Variants in ZNF287 observed in about 807,000 individuals in gnomAD.
ZNF287 encodes the protein zinc finger protein 287, also known as zinc finger protein with KRAB and SCAN domains 13.
ZNF287 carries 31 observed loss-of-function variants against 73.7 expected under a neutral mutation model. The ratio of observed to expected loss-of-function variants is 0.42; its 90% CI spans 0.32 to 0.57. ZNF287 has a LOEUF of 0.57. Ranked by LOEUF, ZNF287 falls within the 20% of genes least tolerant of loss-of-function variation. The probability of loss-of-function intolerance (pLI) is 0.13; values close to 1 mark genes in which losing one functional copy is unlikely to be tolerated. For missense variants in ZNF287, 641 were observed against 909.3 expected (o/e 0.70, Z 3.79); for synonymous variants, 301 against 307.2 (o/e 0.98, Z 0.21).
rs890823165 is a variant in ZNF287 at position 16,550,501 on chromosome 17, T to C, written c.*1355A>G. ...AATTCAGATCTATTTTCCATTTTTT[T>C]CTCACATTATTTATATAGCTACACT... On this transcript the variant is annotated 3_prime_UTR_variant, in exon 6 of 6. Coordinates refer to ENST00000395825, the MANE Select transcript of ZNF287 (RefSeq NM_020653.4). Among the ~76,000 whole-genome samples, 2 of 152,214 alleles carry C rather than the reference T, an allele frequency of 1.3e-5. No homozygotes were observed. Among genetic ancestry groups the C allele is most frequent in the Non-Finnish European group, 1.5e-5 (1 of 68,030 alleles).
At chr17:16,564,515 T>C (rs1316172474) in intron 3 of ZNF287, among the ~76,000 whole-genome samples, 1 of 152,214 alleles carries the variant, frequency 6.6e-6, no homozygotes, top group African/African-American at 2.4e-5. Flanking sequence ...GTTTTAAATT[T>C]TAAACACAGA....
intron 5 of ZNF287, among the ~76,000 whole-genome samples, chr17:16,555,802 A>G (rs538764716): frequency 1.7e-4 from 26 of 152,240 alleles, no homozygotes; most frequent in Non-Finnish European, 3.2e-4. Context: ...TGGGAAACAT[A>G]TAACTTGCAA....
chr17:16,563,956 A>C (rs1907596831), intron 3 of ZNF287, 131 bp from the exon 4 acceptor site: 1 of 1,051,234 alleles, frequency 9.5e-7, no homozygotes, highest in Non-Finnish European at 1.3e-6. Context: ...GAAGTTGTCT[A>C]GTCAAAACCC....
At chr17:16,559,430 T>C (rs984405490) in intron 5 of ZNF287, among the ~76,000 whole-genome samples, 3 of 152,182 alleles carry the variant, frequency 2.0e-5, no homozygotes, top group African/African-American at 7.2e-5. Flanking sequence ...TAAGTAAATA[T>C]ACTGATGTTG....
At chr17:16,561,617 T>C (rs942882599) in intron 5 of ZNF287, among the ~76,000 whole-genome samples, 12 of 152,156 alleles carry the variant, frequency 7.9e-5, no homozygotes, top group African/African-American at 2.9e-4. Flanking sequence ...CTTGGCAAAA[T>C]GTTTAAACTG....
In ZNF287 at chr17:16,547,347, A is replaced by T. The variant is rs2142437498; in HGVS notation, c.*4509T>A. ...TTGCTTTCTTAATTGCCCTCTACTT[A>T]ACCCACTTGGCAGATTAACTGACAA... On this transcript the variant is annotated 3_prime_UTR_variant, in exon 6 of 6. Transcript: ENST00000395825. Among the ~76,000 whole-genome samples, 1 of 152,354 alleles carries T rather than the reference A, an allele frequency of 6.6e-6. No homozygotes were observed. The highest frequency in any genetic ancestry group is 1.9e-4 in the East Asian group (1 of 5,190).
Position 16,547,341 on chromosome 17 carries a change from C to G in ZNF287, c.*4515G>C, listed in dbSNP as rs1278833436. On this transcript the variant is annotated 3_prime_UTR_variant, in exon 6 of 6. Transcript: ENST00000395825. ...ATCTAGTTGCTTTCTTAATTGCCCT[C>G]TACTTAACCCACTTGGCAGATTAAC... Among the ~76,000 whole-genome samples, 1 of 152,174 alleles carries G rather than the reference C, an allele frequency of 6.6e-6. No homozygotes were observed. Among genetic ancestry groups the G allele is most frequent in the Non-Finnish European group, 1.5e-5 (1 of 68,028 alleles).
chr17:16,552,497 T>A lies in ZNF287; in HGVS notation c.1645A>T (p.Thr549Ser). 1 of 1,614,142 alleles carries A rather than the reference T, an allele frequency of 6.2e-7. No homozygotes were observed. Among genetic ancestry groups the A allele is most frequent in the Non-Finnish European group, 8.5e-7 (1 of 1,180,006 alleles). Residue 549 changes from threonine to serine, a missense_variant, in exon 6 of 6, where the codon ACT becomes TCT. Transcript: ENST00000395825. The surrounding 1 kb of genome is among the most constrained non-coding windows in gnomAD (Gnocchi z 6.5). ...NECWKVFSQSTYLIRHQRIHS... is the reference protein window; with the variant it reads ...NECWKVFSQSSYLIRHQRIHS... ...ATTCTCTGATGTCGAATAAGGTAAG[T>A]ACTCTGACTAAACACTTTCCAACAT... is the stretch of plus-strand genomic sequence containing the variant.
rs746598310 is a variant in ZNF287 at position 16,552,448 on chromosome 17, T to G, written c.1694A>C (p.Lys565Thr). ...QRIHSGEKCY[K>T]CNECGKAFAH... Reference sequence around the variant, plus strand: ...AAAGGCTTTTCCACATTCATTACATTTATAACACTTCTCTCCAGAATGAAT... The same window carrying G: ...AAAGGCTTTTCCACATTCATTACATGTATAACACTTCTCTCCAGAATGAAT... The change falls in exon 6 of 6, where the codon AAA (lysine) becomes ACA (threonine). Residue 565 changes from lysine (K) to threonine (T), a missense_variant. By Grantham distance (78) the Lys-to-Thr change is moderately conservative (BLOSUM62 -1). Around this residue, in one of 2 missense-constraint regions of ZNF287, gnomAD observed 284 missense variants for 466.8 expected, o/e 0.61. Coordinates refer to ENST00000395825, the MANE Select transcript of ZNF287 (RefSeq NM_020653.4). The surrounding 1 kb of genome is among the most constrained non-coding windows in gnomAD (Gnocchi z 6.5). 3 of 1,614,142 alleles carry G rather than the reference T, an allele frequency of 1.9e-6. No individual in the cohort carries two copies. The highest frequency in any genetic ancestry group is 2.5e-6 in the Non-Finnish European group (3 of 1,180,000).
Position 16,552,599 on chromosome 17 carries a change from TC to T in ZNF287, c.1542del (p.Lys515ArgfsTer250). The T allele has an allele frequency of 6.2e-7, 1 of 1,614,166 alleles. No homozygotes were observed. Among genetic ancestry groups the T allele is most frequent in the Non-Finnish European group, 8.5e-7 (1 of 1,180,010 alleles). ...GEKPYICNEC[G>X]KTFSQSTHLL... ...AGGTGTGTACTCTGACTGAAAGTCT[TC>T]CCACATTCATTGCATATATAAGGTT... On this transcript the variant is annotated frameshift_variant, in exon 6 of 6. Transcript: ENST00000395825. LOFTEE classifies it high-confidence loss of function. The surrounding 1 kb of genome is among the most constrained non-coding windows in gnomAD (Gnocchi z 6.5).
In ZNF287 at chr17:16,547,540, C is replaced by G. The variant is rs1047496660; in HGVS notation, c.*4316G>C. Among the ~76,000 whole-genome samples the G allele has an allele frequency of 6.6e-6, 1 of 152,172 alleles. No individual in the cohort carries two copies. ...GTTTATCCCAGTTATGTAATTATAT[C>G]CCTCATTACACAGATATTAGGTAAC... On this transcript the variant is annotated 3_prime_UTR_variant, in exon 6 of 6. Coordinates refer to ENST00000395825, the MANE Select transcript of ZNF287 (RefSeq NM_020653.4).
chr17:16,564,073 G>A (rs1243869592), intron 3 of ZNF287, among the ~76,000 whole-genome samples: 1 of 152,122 alleles, frequency 6.6e-6, no homozygotes, highest in African/African-American at 2.4e-5. Flanking sequence ...TGCATTGGTG[G>A]CAGCTCCATT....
Position 16,563,177 on chromosome 17 carries a change from C to T in ZNF287, c.684G>A (p.Val228=), listed in dbSNP as rs1230952854. The T allele has an allele frequency of 6.8e-6, 11 of 1,613,738 alleles. No individual in the cohort carries two copies. The highest frequency in any genetic ancestry group is 9.3e-6 in the Non-Finnish European group (11 of 1,179,798). The change falls in exon 5 of 6, where the codon GTG becomes GTA. Residue 228 remains valine (V), a synonymous_variant. Coordinates refer to ENST00000395825, the MANE Select transcript of ZNF287 (RefSeq NM_020653.4). The part of the protein sequence containing the change: ...VIPILEEPWM[V]IKEILEGPSP... ...TAGGGCCTTCTAAAATTTCTTTTAT[C>T]ACCATCCATGGTTCTTCCAATATGG...
chr17:16,552,154 A>T lies in ZNF287; in HGVS notation c.1988T>A (p.Leu663His). 6.2e-7 allele frequency: 1 copy of T among 1,614,108 alleles called. No homozygotes were observed. The highest frequency in any genetic ancestry group is 8.5e-7 in the Non-Finnish European group (1 of 1,179,982). ...CGKAYRQGAN[L>H]TQHQRIHTGE... ...AGTATGAATCCTTTGATGCTGAGTA[A>T]GATTTGCGCCTTGTCTATATGCTTT... is the stretch of plus-strand genomic sequence containing the variant. The change falls in exon 6 of 6, where the codon CTT becomes CAT. Residue 663 changes from leucine (L) to histidine (H), a missense_variant. Physicochemically the swap from Leu to His is moderately conservative, Grantham distance 99. Transcript: ENST00000395825. The surrounding 1 kb of genome is among the most constrained non-coding windows in gnomAD (Gnocchi z 6.5).
Position 16,566,587 on chromosome 17 carries a change from C to T in ZNF287, c.439G>A (p.Glu147Lys). Reference sequence around the variant, plus strand: ...GCATGTTTTCCTCTGGGGTCTTCCTCTGGGGTATCTTGGGAAAGGGTAGAG... The same window carrying T: ...GCATGTTTTCCTCTGGGGTCTTCCTTTGGGGTATCTTGGGAAAGGGTAGAG... ...QNSTLSQDTPEEDPRGKHAFQ... is the reference protein window; with the variant it reads ...QNSTLSQDTPKEDPRGKHAFQ... The change falls in exon 3 of 6, where the codon GAG becomes AAG. Residue 147 changes from glutamate to lysine, a missense_variant. Transcript: ENST00000395825. 6.2e-7 allele frequency: 1 copy of T among 1,613,048 alleles called. No homozygotes were observed.
intron 1 of ZNF287, 178 bp downstream of exon 1, chr17:16,568,774 T>A (rs1214546828): frequency 6.6e-6 from 1 of 152,180 alleles, no homozygotes; most frequent in Non-Finnish European, 1.5e-5. Flanking sequence ...AGGGTCGAGG[T>A]CGAGGGCAGC....
At chr17:16,559,567 G>GAACT (rs1050342745) in intron 5 of ZNF287, among the ~76,000 whole-genome samples, 1 of 86,410 alleles carries the variant, frequency 1.2e-5, no homozygotes, top group Non-Finnish European at 2.1e-5. Flanking sequence ...TGACTTAAAA[G>GAACT]AACTAACACA....
At chr17:16,557,894 GCT>G (rs1425911271) in intron 5 of ZNF287, 1 of 152,176 alleles carries the variant, frequency 6.6e-6, no homozygotes, top group Non-Finnish European at 1.5e-5. Context: ...CAGTCTTGGT[GCT>G]CTTTGGAGGG....
rs528252358 is a variant in ZNF287 at position 16,547,510 on chromosome 17, C to G, written c.*4346G>C. ...TTAACAAGATTTAGTTGTTTGCACC[C>G]GAAAGTTTATCCCAGTTATGTAATT... On this transcript the variant is annotated 3_prime_UTR_variant, in exon 6 of 6. Transcript: ENST00000395825. Among the ~76,000 whole-genome samples, 2 of 152,082 alleles carry G rather than the reference C, an allele frequency of 1.3e-5. No homozygotes were observed. The highest frequency in any genetic ancestry group is 4.8e-5 in the African/African-American group (2 of 41,404).
Sources: gnomAD v4.1 joint callset for allele counts (sites outside exome capture counted in the v4.1 genomes callset) on GRCh38, gnomAD v4.1.1 for gene constraint, gnomAD v4.1.1 regional missense constraint, Gnocchi (gnomAD v3.1) non-coding constraint, MANE v1.5 for transcripts, NCBI Gene and HGNC (gene_info 2026-07-23, HGNC 2026-07-21) for gene names.